The following PHKA1 variants were observed in gnomAD, a reference collection of about 807,000 sequenced individuals.
PHKA1 encodes the protein phosphorylase kinase regulatory subunit alpha 1.
In PHKA1, 60 loss-of-function variants were observed where a neutral mutation model predicts 110.2. That is an observed-to-expected ratio of 0.54 (90% CI 0.44 to 0.68). The LOEUF is 0.68. Among genes scored for constraint, PHKA1 ranks in the 30% least tolerant of loss-of-function variants. The pLI is 0.00. For missense variants in PHKA1, 801 were observed against 942.5 expected, an observed-to-expected ratio of 0.85 and a Z score of 1.97; for synonymous variants, 316 against 333.6, an observed-to-expected ratio of 0.95 and a Z score of 0.58.
chrX:72,682,209 G>A (rs2053898990), intron 5 of PHKA1, among the ~76,000 whole-genome samples: 2 of 91,346 alleles, frequency 2.2e-5, no homozygotes, highest in Non-Finnish European at 4.5e-5. Flanking sequence ...GGAGGTGGGG[G>A]GGTCAGCCGC....
chrX:72,695,636 T>C (rs1556326849), intron 4 of PHKA1, 72 bp downstream of exon 4: 3 of 1,072,221 alleles, frequency 2.8e-6, no homozygotes. Context: ...CGGTTCTCAA[T>C]TTAAAAGAAT....
At chrX:72,694,375 T>G (rs372573817) in intron 4 of PHKA1, among the ~76,000 whole-genome samples, 54 of 112,261 alleles carry the variant, frequency 4.8e-4, no homozygotes, top group African/African-American at 1.6e-3. Context: ...CTTGAATGAC[T>G]CGCTACTGAT....
chrX:72,671,886 G>A (rs2053706722), intron 6 of PHKA1, among the ~76,000 whole-genome samples: 1 of 111,931 alleles, frequency 8.9e-6, no homozygotes, highest in Non-Finnish European at 1.9e-5. Context: ...CTAGCCATAT[G>A]TAGAAAGCTG....
intron 16 of PHKA1, 43 bp downstream of exon 16, chrX:72,635,112 T>G (rs782648124): frequency 1.7e-6 from 2 of 1,204,238 alleles, no homozygotes; most frequent in East Asian, 5.9e-5. Context: ...ATCTATGACT[T>G]ATTTCCAAAA....
Position 72,599,731 on chromosome X carries a change from A to T in PHKA1, c.3072+2260T>A. On this transcript the variant is annotated intron_variant, in intron 28 of 31. Coordinates refer to ENST00000373542, the MANE Select transcript of PHKA1 (RefSeq NM_002637.4). ...TTAATTCTTGATTAATTTTTTTTTTAATCAACCAGTATATGTCATGATTTA... is the reference window on the plus strand; with the variant it reads ...TTAATTCTTGATTAATTTTTTTTTTTATCAACCAGTATATGTCATGATTTA... The T allele has an allele frequency of 7.5e-6, 3 of 399,416 alleles. No homozygotes were observed. In the Admixed American group the frequency reaches 1.3e-4, roughly 18 times the overall value. The allele number at this position is 399,416 out of a possible 1,213,427, so 32.9% of individuals were successfully genotyped here.
rs781867119 is a variant in PHKA1 at position 72,637,373 on chromosome X, C to T, written c.1460-987G>A. On this transcript the variant is annotated intron_variant, in intron 14 of 31. Coordinates refer to ENST00000373542, the MANE Select transcript of PHKA1 (RefSeq NM_002637.4). ...AAGTTCATCTATGTGTAGCATATGTCAGAATCTCCTTCCTTTTTAAGGCTT... is the reference window on the plus strand; with the variant it reads ...AAGTTCATCTATGTGTAGCATATGTTAGAATCTCCTTCCTTTTTAAGGCTT... Among the ~76,000 whole-genome samples the T allele has an allele frequency of 8.9e-5, 10 of 112,005 alleles. No individual in the cohort carries two copies. The South Asian group carries it at 3.3e-3, about 37-fold the overall frequency.
At chrX:72,700,663 T>C (rs2054193612) in intron 3 of PHKA1, among the ~76,000 whole-genome samples, 1 of 111,517 alleles carries the variant, frequency 9.0e-6, no homozygotes, top group Admixed American at 9.6e-5. Flanking sequence ...GCCTTAAAAC[T>C]TTTTTTTCAT....
chrX:72,658,817 G>A (rs1389526711), intron 8 of PHKA1, among the ~76,000 whole-genome samples: 1 of 112,368 alleles, frequency 8.9e-6, no homozygotes, highest in Admixed American at 9.4e-5. Flanking sequence ...TGATGTCAAT[G>A]TGTCCTATTA....
Position 72,653,523 on chromosome X carries a change from T to G in PHKA1, c.1049A>C (p.Glu350Ala). The G allele has an allele frequency of 8.5e-7, 1 of 1,180,597 alleles. No individual in the cohort carries two copies. Among genetic ancestry groups the G allele is most frequent in the Non-Finnish European group, 1.2e-6 (1 of 868,371 alleles). The change falls in exon 11 of 32, where the codon GAA becomes GCA. Residue 350 changes from glutamate to alanine, a missense_variant. Glu to Ala is a moderately radical substitution (Grantham distance 107). Coordinates refer to ENST00000373542, the MANE Select transcript of PHKA1 (RefSeq NM_002637.4). ...VFSGNAEQVQ[E>A]YKEALEAVLI... ...GACTGCTTCAAGAGCCTCTTTATAT[T>G]CTTGAACCTGCAGATAAAAGAAAGG...
At chrX:72,599,964 T>C (rs1306051515) in intron 28 of PHKA1, 5 of 440,221 alleles carry the variant, frequency 1.1e-5, no homozygotes, top group Non-Finnish European at 1.6e-5. Flanking sequence ...AAATACAGAC[T>C]ATTTCAGTAT....
At chrX:72,592,231 T>G (rs1223420416) in intron 29 of PHKA1, among the ~76,000 whole-genome samples, 1 of 112,722 alleles carries the variant, frequency 8.9e-6, no homozygotes, top group Non-Finnish European at 1.9e-5. Context: ...TCAGTACTCT[T>G]TAAAGGAAGA....
At chrX:72,602,085 A>C in intron 27 of PHKA1, 56 bp from the exon 28 acceptor site, 17 of 1,108,072 alleles carry the variant, frequency 1.5e-5, no homozygotes, top group Non-Finnish European at 2.1e-5. Flanking sequence ...TAAATGACCC[A>C]ACAAAGTCTG....
At chrX:72,593,619 G>A (rs781874136) in intron 28 of PHKA1, among the ~76,000 whole-genome samples, 1 of 112,449 alleles carries the variant, frequency 8.9e-6, no homozygotes, top group Non-Finnish European at 1.9e-5. Context: ...GGGATTACAG[G>A]CGTGAGCCAC....
Position 72,593,178 on chromosome X carries a change from G to T in PHKA1, c.3169C>A (p.Arg1057=), listed in dbSNP as rs781856424. Residue 1057 remains arginine (R), a synonymous_variant, in exon 29 of 32, where the codon CGA becomes AGA. Transcript: ENST00000373542. ...KDSRQGQWQR[R]RRLDGALNRV... ...TTCAGTGCCCCATCCAGCCTTCTTC[G>T]GCGTTGCCATTGACCTTGACGACTA... is the stretch of plus-strand genomic sequence containing the variant. 1 of 1,193,564 alleles carries T rather than the reference G, an allele frequency of 8.4e-7. No homozygotes were observed.
chrX:72,599,680 A>C (rs2052632709), intron 28 of PHKA1: 1 of 351,060 alleles, frequency 2.8e-6, no homozygotes, highest in African/African-American at 2.6e-5. Flanking sequence ...ATTCACCCCC[A>C]TATATGAAAT....
intron 14 of PHKA1, among the ~76,000 whole-genome samples, chrX:72,637,682 G>A (rs782577593): frequency 3.6e-5 from 4 of 112,124 alleles, no homozygotes; most frequent in Admixed American, 9.4e-5. Flanking sequence ...GTACACAAGA[G>A]TTTTCATGTC....
At chrX:72,618,532 T>G (rs1188550592) in intron 21 of PHKA1, among the ~76,000 whole-genome samples, 178 bp downstream of exon 21, 1 of 111,841 alleles carries the variant, frequency 8.9e-6, no homozygotes, top group Non-Finnish European at 1.9e-5. Flanking sequence ...CTATGAGGTA[T>G]ATATAATCCA....
intron 13 of PHKA1, among the ~76,000 whole-genome samples, chrX:72,647,592 G>C (rs782775470): frequency 9.0e-6 from 1 of 111,444 alleles, no homozygotes; most frequent in Non-Finnish European, 1.9e-5. Flanking sequence ...CAACATAAAA[G>C]ACATGGGCAA....
intron 5 of PHKA1, among the ~76,000 whole-genome samples, chrX:72,679,406 T>A (rs1172440625): frequency 9.1e-6 from 1 of 109,720 alleles, no homozygotes; most frequent in Non-Finnish European, 1.9e-5. Context: ...AGATTCATGA[T>A]GTCTTTCATC....
Sources: allele counts gnomAD v4.1 joint callset (sites outside exome capture counted in the v4.1 genomes callset), GRCh38; gene constraint gnomAD v4.1.1; transcripts MANE v1.5; gene names NCBI Gene and HGNC (gene_info 2026-07-23, HGNC 2026-07-21).